The following ALPK1 variants were observed in gnomAD, a reference collection of about 807,000 sequenced individuals.
The protein encoded by ALPK1 is alpha-protein kinase 1.
In ALPK1, 110 loss-of-function variants were observed where a neutral mutation model predicts 120.6. The observed-to-expected ratio is 0.91, with a 90% CI of 0.78 to 1.07. ALPK1 has a LOEUF of 1.07. ALPK1 is among the 50% of genes least tolerant of loss of function. The pLI, the probability that ALPK1 is intolerant of heterozygous loss-of-function variation, is 0.00. For missense variants in ALPK1, 1,498 were observed against 1,483.9 expected (o/e 1.01, Z -0.16); for synonymous variants, 582 against 560.3 (o/e 1.04, Z -0.55).
At chr4:112,404,969 G>T (rs1266926115) in intron 4 of ALPK1, among the ~76,000 whole-genome samples, 1 of 152,092 alleles carries the variant, frequency 6.6e-6, no homozygotes, top group Non-Finnish European at 1.5e-5. Context: ...TTCTACACTG[G>T]GTGATAGAAA....
chr4:112,341,778 G>T (rs993366214), intron 2 of ALPK1, among the ~76,000 whole-genome samples: 8 of 152,146 alleles, frequency 5.3e-5, no homozygotes, highest in African/African-American at 1.9e-4. Flanking sequence ...GTGGACAAAG[G>T]CTTCTCTTCT....
chr4:112,309,048 G>A (rs1158135978), intron 1 of ALPK1, among the ~76,000 whole-genome samples: 1 of 152,120 alleles, frequency 6.6e-6, no homozygotes, highest in Admixed American at 6.5e-5. Flanking sequence ...CAGCAGCAGA[G>A]GCTGCAGAAC....
chr4:112,370,511 C>A (rs1195818865), intron 2 of ALPK1, among the ~76,000 whole-genome samples: 1 of 152,096 alleles, frequency 6.6e-6, no homozygotes, highest in East Asian at 1.9e-4. Context: ...CAATATACAG[C>A]TCACAGAATG....
chr4:112,321,383 C>T (rs1433714137), intron 2 of ALPK1, among the ~76,000 whole-genome samples: 1 of 151,962 alleles, frequency 6.6e-6, no homozygotes, highest in Non-Finnish European at 1.5e-5. Flanking sequence ...TTTTCTTCTG[C>T]TGGGTTTGGG....
rs145218600 is a variant in ALPK1, at chr4:112,393,670, C to T, written c.276+11118C>T. Reference sequence around the variant, plus strand: ...ACAAGGTCAAATGTTCAAAAACAAACTTCTCACCACTTTTCTAAGAGCAAG... The same window carrying T: ...ACAAGGTCAAATGTTCAAAAACAAATTTCTCACCACTTTTCTAAGAGCAAG... On this transcript the variant is annotated intron_variant, in intron 4 of 15. Transcript: ENST00000650871. Among the ~76,000 whole-genome samples the T allele has an allele frequency of 3.3e-4, 51 of 152,322 alleles. No homozygotes were observed. In the East Asian group the frequency reaches 9.6e-3, roughly 29 times the overall value.
intron 4 of ALPK1, among the ~76,000 whole-genome samples, chr4:112,394,529 T>C (rs1043618192): frequency 6.6e-6 from 1 of 152,200 alleles, no homozygotes; most frequent in Non-Finnish European, 1.5e-5. Flanking sequence ...GGCCTATGTA[T>C]TTTCAGACTT....
At chr4:112,312,527 C>T (rs1578453308) in intron 1 of ALPK1, among the ~76,000 whole-genome samples, 1 of 152,198 alleles carries the variant, frequency 6.6e-6, no homozygotes, top group African/African-American at 2.4e-5. Context: ...CCACCTCGGC[C>T]TTCCAAAGTG....
chr4:112,357,808 C>A, intron 2 of ALPK1: 1 of 1,021,216 alleles, frequency 9.8e-7, no homozygotes, highest in Non-Finnish European at 1.6e-6. Flanking sequence ...CCCTTCATAT[C>A]CCATCATGGA....
At chr4:112,315,283 GCC>G (rs1560633427) in intron 1 of ALPK1, among the ~76,000 whole-genome samples, 1 of 152,068 alleles carries the variant, frequency 6.6e-6, no homozygotes, top group African/African-American at 2.4e-5. Context: ...TTTCTGGCAG[GCC>G]CCAAAAGTAG....
Position 112,425,668 on chromosome 4 carries a change from C to A in ALPK1, c.539C>A (p.Thr180Asn), listed in dbSNP as rs770718790. Residue 180 changes from threonine (T) to asparagine (N), a missense_variant, in exon 7 of 16, where the codon ACC becomes AAC. Thr to Asn is a moderately conservative substitution (Grantham distance 65, BLOSUM62 0). Coordinates refer to ENST00000650871, the MANE Select transcript of ALPK1 (RefSeq NM_025144.4). The part of the protein sequence containing the change: ...SLISNNGATG[T>N]WLYRNESDKV... Reference sequence around the variant, plus strand: ...GAATTTTCATCTTTTCTTTTAGGTACCTGGCTGTACAGAAATGAAAGTGAC... The same window carrying A: ...GAATTTTCATCTTTTCTTTTAGGTAACTGGCTGTACAGAAATGAAAGTGAC... 3 of 1,612,124 alleles carry A rather than the reference C, an allele frequency of 1.9e-6. No homozygotes were observed. Among genetic ancestry groups the A allele is most frequent in the African/African-American group, 1.3e-5 (1 of 74,850 alleles).
intron 2 of ALPK1, among the ~76,000 whole-genome samples, chr4:112,373,875 G>C (rs1347267222): frequency 3.3e-5 from 5 of 152,294 alleles, no homozygotes; most frequent in African/African-American, 1.2e-4. Context: ...ATTAAGAAAT[G>C]CTTTATTGCT....
At chr4:112,344,957 T>C (rs1203983326) in intron 2 of ALPK1, among the ~76,000 whole-genome samples, 4 of 152,250 alleles carry the variant, frequency 2.6e-5, no homozygotes, top group African/African-American at 9.6e-5. Context: ...ACCAGACTAC[T>C]TTTTCGTATT....
chr4:112,427,585 C>T lies in ALPK1; in HGVS notation c.715C>T (p.Leu239=). 3 of 1,613,932 alleles carry T rather than the reference C, an allele frequency of 1.9e-6. No homozygotes were observed. The highest frequency in any genetic ancestry group is 2.5e-6 in the Non-Finnish European group (3 of 1,179,874). The change falls in exon 9 of 16, where the codon CTA becomes TTA. Residue 239 remains leucine (L), a synonymous_variant. Transcript: ENST00000650871. The part of the protein sequence containing the change: ...QPDKKGLSTS[L]GILADIFVSM... Reference sequence around the variant, plus strand: ...TTTCTTACAGGGCCTCTCCACGTCGCTAGGTATACTGGCAGACATCTTTGT... The same window carrying T: ...TTTCTTACAGGGCCTCTCCACGTCGTTAGGTATACTGGCAGACATCTTTGT...
intron 2 of ALPK1, among the ~76,000 whole-genome samples, chr4:112,349,504 G>A (rs897879397): frequency 6.2e-4 from 94 of 150,842 alleles, no homozygotes; most frequent in African/African-American, 2.3e-3. Flanking sequence ...TTCAGTTGAT[G>A]CTTATAAAAC....
intron 2 of ALPK1, among the ~76,000 whole-genome samples, chr4:112,332,193 G>A (rs1729410275): frequency 6.6e-6 from 1 of 152,138 alleles, no homozygotes; most frequent in South Asian, 2.1e-4. Context: ...TTTTGTTTGG[G>A]ACCTTCCTTA....
At chr4:112,329,693 G>A (rs1357675072) in intron 2 of ALPK1, among the ~76,000 whole-genome samples, 1 of 152,200 alleles carries the variant, frequency 6.6e-6, no homozygotes, top group Non-Finnish European at 1.5e-5. Context: ...ATCAGAAATA[G>A]GCTCTGGAAG....
At chr4:112,341,350 T>C (rs1729855021) in intron 2 of ALPK1, among the ~76,000 whole-genome samples, 1 of 152,208 alleles carries the variant, frequency 6.6e-6, no homozygotes, top group Non-Finnish European at 1.5e-5. Context: ...TTCCTGACAA[T>C]TTCCCCAATT....
chr4:112,377,863 C>A lies in ALPK1; in HGVS notation c.86C>A (p.Ser29Ter). Reference sequence around the variant, plus strand: ...CTCTTGTTGGAAGCGCCAGATGTGTCGGAAGAGGACAAGAGCGAGGACCAG... The same window carrying A: ...CTCTTGTTGGAAGCGCCAGATGTGTAGGAAGAGGACAAGAGCGAGGACCAG... ...DQLLLEAPDV[S>*]EEDKSEDQRC... Residue 29 changes from serine to a stop codon, truncating the protein, a stop_gained, in exon 3 of 16, where the codon TCG becomes TAG. Coordinates refer to ENST00000650871, the MANE Select transcript of ALPK1 (RefSeq NM_025144.4). LOFTEE classifies it high-confidence loss of function. 6.2e-7 allele frequency: 1 copy of A among 1,613,296 alleles called. No individual in the cohort carries two copies. The highest frequency in any genetic ancestry group is 1.1e-5 in the South Asian group (1 of 90,930).
intron 2 of ALPK1, among the ~76,000 whole-genome samples, chr4:112,373,525 T>G (rs1179102385): frequency 2.0e-5 from 3 of 152,208 alleles, no homozygotes; most frequent in Non-Finnish European, 4.4e-5. Context: ...AGATTAAATT[T>G]GTGCAAGTGT....
Sources: allele counts gnomAD v4.1 joint callset (sites outside exome capture counted in the v4.1 genomes callset), GRCh38; gene constraint gnomAD v4.1.1; transcripts MANE v1.5; gene names NCBI Gene and HGNC (gene_info 2026-07-23, HGNC 2026-07-21).